The following SCN1A variants were observed in gnomAD, a reference collection of about 807,000 sequenced individuals.
SCN1A encodes sodium voltage-gated channel alpha subunit 1, also known as sodium channel protein type 1 subunit alpha.
Under a neutral mutation model 193.7 loss-of-function variants are expected in SCN1A, and 13 were observed. The observed-to-expected ratio is 0.07, with a 90% CI of 0.04 to 0.11. The LOEUF is 0.11. Among genes scored for constraint, SCN1A ranks in the 10% least tolerant of loss-of-function variants. The pLI is 1.00. For missense variants in SCN1A, 1,432 were observed against 2,451.1 expected, an observed-to-expected ratio of 0.58 and a Z score of 8.78; for synonymous variants, 781 against 843.6, an observed-to-expected ratio of 0.93 and a Z score of 1.29.
chr2:166,087,451 G>C lies in SCN1A; in HGVS notation c.-141-9650C>G, dbSNP rs368890185. Among the ~76,000 whole-genome samples the C allele has an allele frequency of 8.5e-5, 13 of 152,132 alleles. No homozygotes were observed. The South Asian group carries it at 1.2e-3, about 15-fold the overall frequency. On this transcript the variant is annotated intron_variant, in intron 2 of 28. Transcript: ENST00000674923. ...AGCATGCCATTGCACTCTAGCCTGG[G>C]CAACAAGAGCAAAACTCCATCTCAG...
intron 4 of SCN1A, among the ~76,000 whole-genome samples, chr2:166,063,993 C>G (rs1683584678): frequency 6.6e-6 from 1 of 151,930 alleles, no homozygotes; most frequent in Non-Finnish European, 1.5e-5. Flanking sequence ...GCAATCCTTG[C>G]CATGTAAAAA....
intron 2 of SCN1A, among the ~76,000 whole-genome samples, chr2:166,087,038 C>T (rs1686207813): frequency 6.6e-6 from 1 of 151,832 alleles, no homozygotes; most frequent in Non-Finnish European, 1.5e-5. Context: ...AATTTGATTC[C>T]TAATGTTGGA....
intron 2 of SCN1A, among the ~76,000 whole-genome samples, chr2:166,096,006 T>C (rs1009758118): frequency 6.6e-6 from 1 of 152,218 alleles, no homozygotes; most frequent in South Asian, 2.1e-4. Context: ...CCCAGATTTA[T>C]TCTAAAGTTT....
At chr2:166,078,952 C>A (rs566619421) in intron 2 of SCN1A, among the ~76,000 whole-genome samples, 1 of 151,604 alleles carries the variant, frequency 6.6e-6, no homozygotes, top group East Asian at 1.9e-4. Context: ...AGTTTTATTA[C>A]CCTATGCTCT....
In SCN1A at chr2:165,992,395, T is replaced by G. The variant is rs1559106126; in HGVS notation, c.4880A>C (p.Lys1627Thr). Residue 1627 changes from lysine to threonine, a missense_variant, in exon 29 of 29, where the codon AAG becomes ACG. Transcript: ENST00000674923. This position sits in a 1 kb window ranked among gnomAD's most constrained non-coding sequence, Gnocchi z 6.5. ...VGMFLAELIE[K>T]YFVSPTLFRV... ...GAACAGGGTAGGGGACACGAAATAC[T>G]TTTCTATCAGCTCGGCAAGAAACAT... 1 of 1,613,614 alleles carries G rather than the reference T, an allele frequency of 6.2e-7. No homozygotes were observed. Among genetic ancestry groups the G allele is most frequent in the African/African-American group, 1.3e-5 (1 of 74,954 alleles).
Position 166,096,427 on chromosome 2 carries a change from A to AC in SCN1A, c.-141-18627dup, listed in dbSNP as rs1208733061. ...TTCCCGAGTAGCTGGGATTACAGGC[A>AC]CCCACCACCACACCCAGCTAATTTT... On this transcript the variant is annotated intron_variant, in intron 2 of 28. Coordinates refer to ENST00000674923, the MANE Select transcript of SCN1A (RefSeq NM_001165963.4). Among the ~76,000 whole-genome samples the AC allele has an allele frequency of 2.6e-5, 4 of 152,014 alleles. No homozygotes were observed. The East Asian group carries it at 7.7e-4, about 29-fold the overall frequency.
intron 27 of SCN1A, 94 bp from the exon 28 acceptor site, chr2:165,994,510 T>C: frequency 8.4e-7 from 1 of 1,191,988 alleles, no homozygotes; most frequent in South Asian, 1.3e-5. Context: ...TTCTAGTTTC[T>C]TGCAAAGTAG....
intron 20 of SCN1A, among the ~76,000 whole-genome samples, chr2:166,014,747 A>G (rs1693045975): frequency 6.6e-6 from 1 of 151,468 alleles, no homozygotes. Context: ...GAAGGAACTA[A>G]GGAGTGAAGG....
intron 2 of SCN1A, among the ~76,000 whole-genome samples, chr2:166,081,357 C>T (rs1361871790): frequency 6.6e-6 from 1 of 151,836 alleles, no homozygotes; most frequent in Non-Finnish European, 1.5e-5. Flanking sequence ...ATGCTTTGTA[C>T]CCGAAGAAAC....
chr2:166,030,535 T>C (rs1378168440), intron 19 of SCN1A, among the ~76,000 whole-genome samples: 1 of 152,216 alleles, frequency 6.6e-6, no homozygotes, highest in Non-Finnish European at 1.5e-5. Context: ...TAACTCAATT[T>C]ATTTAAAATT....
chr2:166,119,971 A>G (rs1237931571), intron 2 of SCN1A, among the ~76,000 whole-genome samples: 1 of 152,032 alleles, frequency 6.6e-6, no homozygotes, highest in African/African-American at 2.4e-5. Flanking sequence ...ACAATGCCAA[A>G]TTGTTTGGTA....
chr2:166,142,847 A>G (rs933731248), intron 1 of SCN1A, among the ~76,000 whole-genome samples: 2 of 152,214 alleles, frequency 1.3e-5, no homozygotes, highest in Non-Finnish European at 2.9e-5. Flanking sequence ...GTAAGTGAAT[A>G]AGCCTCATGA....
intron 2 of SCN1A, among the ~76,000 whole-genome samples, chr2:166,082,484 T>G (rs1685638535): frequency 1.1e-5 from 1 of 90,940 alleles, no homozygotes; most frequent in Admixed American, 1.1e-4. Flanking sequence ...TTTATATTAC[T>G]TGGACAGACC....
At chr2:166,028,066 A>G (rs547843747) in intron 19 of SCN1A, among the ~76,000 whole-genome samples, 1 of 152,250 alleles carries the variant, frequency 6.6e-6, no homozygotes, top group East Asian at 1.9e-4. Context: ...AGTTGTTTCT[A>G]TTCTTTAGTC....
intron 1 of SCN1A, among the ~76,000 whole-genome samples, chr2:166,138,720 C>T (rs1337375759): frequency 6.6e-6 from 1 of 152,166 alleles, no homozygotes; most frequent in Non-Finnish European, 1.5e-5. Context: ...CACAGATTCC[C>T]TACTAGTGTA....
chr2:166,037,280 A>G (rs1352892072), intron 18 of SCN1A, among the ~76,000 whole-genome samples: 1 of 152,242 alleles, frequency 6.6e-6, no homozygotes, highest in Non-Finnish European at 1.5e-5. Flanking sequence ...GTGATTGAAT[A>G]TCATATGCTG....
intron 2 of SCN1A, among the ~76,000 whole-genome samples, chr2:166,096,726 A>T (rs985946339): frequency 2.6e-5 from 4 of 152,146 alleles, no homozygotes; most frequent in Non-Finnish European, 5.9e-5. Context: ...TGATCTGACA[A>T]TTTCTTTTCA....
At chr2:166,110,323 C>T (rs1293125519) in intron 2 of SCN1A, among the ~76,000 whole-genome samples, 2 of 152,184 alleles carry the variant, frequency 1.3e-5, no homozygotes, top group African/African-American at 2.4e-5. Context: ...TGCTAGGCCT[C>T]ATGAACCAAA....
chr2:166,146,062 T>C (rs560344903), intron 1 of SCN1A, among the ~76,000 whole-genome samples: 2 of 152,108 alleles, frequency 1.3e-5, no homozygotes, highest in Non-Finnish European at 2.9e-5. Flanking sequence ...TAGGTAAGTC[T>C]CTGTTAAAAA....
Sources: allele counts gnomAD v4.1 joint callset (sites outside exome capture counted in the v4.1 genomes callset), GRCh38; gene constraint gnomAD v4.1.1; non-coding constraint Gnocchi (gnomAD v3.1); transcripts MANE v1.5; gene names NCBI Gene and HGNC (gene_info 2026-07-23, HGNC 2026-07-21).